Variants in FTO observed in about 807,000 individuals in gnomAD.
The protein encoded by FTO is alpha-ketoglutarate-dependent dioxygenase FTO.
Under a neutral mutation model 63.9 loss-of-function variants are expected in FTO, and 47 were observed. The ratio of observed to expected loss-of-function variants is 0.74; its 90% CI spans 0.58 to 0.94. The LOEUF (loss-of-function observed/expected upper bound fraction) is 0.94, where lower values mean the gene tolerates loss of function less well. Ranked by LOEUF, FTO falls within the 40% of genes least tolerant of loss-of-function variation. FTO has a pLI of 0.00. For missense variants in FTO, 562 were observed against 618.1 expected (o/e 0.91, Z 0.96); for synonymous variants, 207 against 224.4 (o/e 0.92, Z 0.69).
At chr16:53,894,074 T>A (rs988151064) in intron 7 of FTO, among the ~76,000 whole-genome samples, 4 of 152,214 alleles carry the variant, frequency 2.6e-5, no homozygotes, top group African/African-American at 9.6e-5. Context: ...CAGAGACATG[T>A]GGAAAATGAG....
At chr16:53,844,839 A>G (rs2079575449) in intron 4 of FTO, among the ~76,000 whole-genome samples, 1 of 152,128 alleles carries the variant, frequency 6.6e-6, no homozygotes, top group African/African-American at 2.4e-5. Context: ...TTTATCAGAG[A>G]TATTAAATCA....
At chr16:53,972,000 A>G (rs1252189863) in intron 8 of FTO, among the ~76,000 whole-genome samples, 1 of 152,000 alleles carries the variant, frequency 6.6e-6, no homozygotes, top group Non-Finnish European at 1.5e-5. Flanking sequence ...TGCTTGGTGC[A>G]TGTTTTAACG....
At position 53,715,532 on chromosome 16, in the gene FTO, G is replaced by A. The variant is rs745955899; in HGVS notation, c.45+11303G>A. ...TTGGTGTCTTCTGTGGAGCAGATGT[G>A]TTTTTGCATCGTTGTCTGAGAAAGT... On this transcript the variant is annotated intron_variant, in intron 1 of 8. Coordinates refer to ENST00000471389, the MANE Select transcript of FTO (RefSeq NM_001080432.3). 8.3e-4 allele frequency among the ~76,000 whole-genome samples: 127 copies of A among 152,160 alleles called. 1 individual carries two copies. Among genetic ancestry groups the A allele is most frequent in the Non-Finnish European group, 3.2e-4 (22 of 68,024 alleles).
intron 1 of FTO, among the ~76,000 whole-genome samples, chr16:53,760,235 TGTGTGTGTGTGTGTGTGTGTGTG>T (rs1285000951): frequency 0.087 from 1,755 of 20,106 alleles, 69 homozygotes; most frequent in African/African-American, 0.33. Context: ...TGTGTGTGTG[TGTGTGTGTGTGTGTGTGTGTGTG>T]TGTTTTTTGG....
chr16:53,950,179 A>AAAAAAAAC (rs201710707), intron 8 of FTO, among the ~76,000 whole-genome samples: 3 of 145,798 alleles, frequency 2.1e-5, no homozygotes, highest in Non-Finnish European at 3.0e-5. Flanking sequence ...AAAAAAAAAA[A>AAAAAAAAC]CTTAATCCAT....
At chr16:53,885,245 T>C (rs1272149311) in intron 6 of FTO, among the ~76,000 whole-genome samples, 3 of 152,196 alleles carry the variant, frequency 2.0e-5, no homozygotes, top group Non-Finnish European at 4.4e-5. Flanking sequence ...GGAGATTTTT[T>C]TTGCCTTCTT....
chr16:54,077,536 A>G (rs1056591605), intron 8 of FTO, among the ~76,000 whole-genome samples: 5 of 152,152 alleles, frequency 3.3e-5, no homozygotes, highest in African/African-American at 1.2e-4. Flanking sequence ...CCAAGCTACT[A>G]ACATCAAAAT....
At chr16:53,801,148 T>C (rs1219189552) in intron 1 of FTO, among the ~76,000 whole-genome samples, 1 of 152,138 alleles carries the variant, frequency 6.6e-6, no homozygotes, top group African/African-American at 2.4e-5. Flanking sequence ...TGTCTATTCT[T>C]TGATCCCTTT....
intron 8 of FTO, among the ~76,000 whole-genome samples, chr16:53,980,355 G>C (rs16952725): frequency 0.025 from 3,787 of 152,258 alleles, 77 homozygotes; most frequent in South Asian, 0.083. Context: ...GCTGGAAAGA[G>C]ACCTGTTTAT....
At chr16:53,831,146 A>T (rs1296428271) in intron 3 of FTO, among the ~76,000 whole-genome samples, 1 of 152,198 alleles carries the variant, frequency 6.6e-6, no homozygotes, top group African/African-American at 2.4e-5. Context: ...TTCTCAGCTC[A>T]TCACTGAGAC....
At chr16:53,883,047 G>A (rs1210241127) in intron 6 of FTO, among the ~76,000 whole-genome samples, 2 of 152,000 alleles carry the variant, frequency 1.3e-5, no homozygotes, top group African/African-American at 4.8e-5. Flanking sequence ...TACATTTATG[G>A]GCCTGATGAC....
chr16:53,746,932 A>G (rs1379206708), intron 1 of FTO, among the ~76,000 whole-genome samples: 1 of 152,160 alleles, frequency 6.6e-6, no homozygotes, highest in African/African-American at 2.4e-5. Flanking sequence ...TTGATTCCAC[A>G]TGTAAGTGAG....
intron 1 of FTO, among the ~76,000 whole-genome samples, chr16:53,805,977 A>T (rs562745277): frequency 6.6e-6 from 1 of 152,298 alleles, no homozygotes; most frequent in African/African-American, 2.4e-5. Context: ...TGCAGGGCCC[A>T]GCTGTGTGGA....
chr16:54,068,330 G>C (rs1382098529), intron 8 of FTO, among the ~76,000 whole-genome samples: 2 of 151,996 alleles, frequency 1.3e-5, no homozygotes, highest in African/African-American at 4.8e-5. Context: ...ACAGCAAATA[G>C]GACTTTTTTC....
intron 8 of FTO, among the ~76,000 whole-genome samples, chr16:53,939,897 A>G (rs1159761049): frequency 4.6e-5 from 7 of 152,184 alleles, no homozygotes; most frequent in Non-Finnish European, 1.0e-4. Flanking sequence ...ACAGTAATAA[A>G]TTGATGGACA....
At chr16:54,092,156 G>A (rs2086399956) in intron 8 of FTO, among the ~76,000 whole-genome samples, 1 of 152,208 alleles carries the variant, frequency 6.6e-6, no homozygotes, top group South Asian at 2.1e-4. Context: ...GATGGCACAT[G>A]CCTGTTGTCC....
At chr16:53,752,854 T>C (rs2076831208) in intron 1 of FTO, among the ~76,000 whole-genome samples, 2 of 151,284 alleles carry the variant, frequency 1.3e-5, no homozygotes, top group Non-Finnish European at 2.9e-5. Context: ...ATAGTTATAA[T>C]AAAAAGTAAA....
At chr16:53,723,473 A>AAC (rs2076085508) in intron 1 of FTO, among the ~76,000 whole-genome samples, 1 of 152,182 alleles carries the variant, frequency 6.6e-6, no homozygotes, top group South Asian at 2.1e-4. Context: ...AAGGAGGAAA[A>AAC]CGGGTCACCT....
chr16:53,941,003 A>G (rs1005545454), intron 8 of FTO, among the ~76,000 whole-genome samples: 8 of 152,166 alleles, frequency 5.3e-5, no homozygotes, highest in Admixed American at 6.5e-5. Flanking sequence ...TACTATTCCA[A>G]GTTAATCAGC....
Sources: gnomAD v4.1 joint callset for allele counts (sites outside exome capture counted in the v4.1 genomes callset) on GRCh38, gnomAD v4.1.1 for gene constraint, MANE v1.5 for transcripts, NCBI Gene and HGNC (gene_info 2026-07-23, HGNC 2026-07-21) for gene names.